The following FHIP1A variants were observed in gnomAD, a reference collection of about 807,000 sequenced individuals.
The protein encoded by FHIP1A is FHF complex subunit HOOK-interacting protein 1A.
Under a neutral mutation model 88.6 loss-of-function variants are expected in FHIP1A, and 61 were observed. The ratio of observed to expected loss-of-function variants is 0.69; its 90% CI spans 0.56 to 0.85. The LOEUF (loss-of-function observed/expected upper bound fraction) is 0.85, where lower values mean the gene tolerates loss of function less well. Among genes scored for constraint, FHIP1A ranks in the 40% least tolerant of loss-of-function variants. The pLI is 0.00. For synonymous variants in FHIP1A, 478 were observed against 496.0 expected (o/e 0.96, Z 0.48); for missense variants, 1,154 against 1,273.5 (o/e 0.91, Z 1.43).
intron 4 of FHIP1A, among the ~76,000 whole-genome samples, chr4:151,573,315 C>T (rs1172359040): frequency 6.6e-5 from 10 of 151,848 alleles, no homozygotes; most frequent in African/African-American, 1.9e-4. Flanking sequence ...CACATGTCTG[C>T]GTTTCTTAAA....
At chr4:151,457,981 A>G (rs751304647) in intron 2 of FHIP1A, among the ~76,000 whole-genome samples, 3 of 152,250 alleles carry the variant, frequency 2.0e-5, no homozygotes, top group Non-Finnish European at 2.9e-5. Flanking sequence ...TAATGGTAGT[A>G]GAGTAGTCAT....
At chr4:151,467,996 A>T (rs549588594) in intron 2 of FHIP1A, among the ~76,000 whole-genome samples, 1 of 151,932 alleles carries the variant, frequency 6.6e-6, no homozygotes, top group African/African-American at 2.4e-5. Context: ...TAAAAAAAAA[A>T]AAAAAAAGCC....
chr4:151,464,855 A>T (rs189755041), intron 2 of FHIP1A, among the ~76,000 whole-genome samples: 35 of 115,502 alleles, frequency 3.0e-4, no homozygotes, highest in Non-Finnish European at 5.5e-4. Context: ...TAGATCAGTG[A>T]TTGTCAAAGT....
intron 2 of FHIP1A, among the ~76,000 whole-genome samples, chr4:151,467,409 A>T (rs1033039745): frequency 3.3e-5 from 5 of 152,218 alleles, no homozygotes; most frequent in African/African-American, 1.2e-4. Context: ...TGTGGAAGAC[A>T]GTGTGGTGAT....
At chr4:151,550,425 G>A (rs990145989) in intron 3 of FHIP1A, among the ~76,000 whole-genome samples, 5 of 151,968 alleles carry the variant, frequency 3.3e-5, no homozygotes, top group African/African-American at 1.2e-4. Flanking sequence ...TAGTAGCCTC[G>A]CATGAAGGGT....
At position 151,629,691 on chromosome 4, in the gene FHIP1A, G is replaced by GT; in HGVS notation, c.979-8dup. The GT allele has an allele frequency of 6.5e-7, 1 of 1,550,198 alleles. No homozygotes were observed. Among genetic ancestry groups the GT allele is most frequent in the Non-Finnish European group, 8.7e-7 (1 of 1,146,144 alleles). On this transcript the variant is annotated splice_polypyrimidine_tract_variant and intron_variant, in intron 7 of 13. Transcript: ENST00000435205. ...GATGCTCACCTGTGCTCACTCCGTTGTTTGTCCTAGGTGACTGTGGAAGAG... is the reference window on the plus strand; with the variant it reads ...GATGCTCACCTGTGCTCACTCCGTTGTTTTGTCCTAGGTGACTGTGGAAGAG...
chr4:151,642,240 C>CA (rs1736615288), intron 9 of FHIP1A, among the ~76,000 whole-genome samples: 1 of 152,210 alleles, frequency 6.6e-6, no homozygotes. Context: ...TGGAACCTCC[C>CA]AGTTGAGACA....
intron 3 of FHIP1A, among the ~76,000 whole-genome samples, chr4:151,564,529 A>G (rs1196905803): frequency 6.6e-6 from 1 of 152,202 alleles, no homozygotes; most frequent in African/African-American, 2.4e-5. Flanking sequence ...TACCCTGCAA[A>G]TGTGGGATAG....
intron 8 of FHIP1A, among the ~76,000 whole-genome samples, chr4:151,634,045 A>G (rs905827767): frequency 2.3e-4 from 35 of 152,030 alleles, no homozygotes; most frequent in African/African-American, 6.5e-4. Context: ...ATGTCACCAA[A>G]AAACTGTTAG....
chr4:151,581,456 A>G (rs554652506), intron 5 of FHIP1A, among the ~76,000 whole-genome samples: 29 of 152,258 alleles, frequency 1.9e-4, no homozygotes, highest in African/African-American at 5.5e-4. Flanking sequence ...TTTAAATATG[A>G]CAAGAAGATT....
intron 3 of FHIP1A, among the ~76,000 whole-genome samples, chr4:151,518,865 A>G (rs911593516): frequency 2.0e-5 from 3 of 151,992 alleles, no homozygotes; most frequent in East Asian, 1.9e-4. Flanking sequence ...AAAATTGTCA[A>G]TCTGCAAAAC....
At chr4:151,474,989 C>T (rs139536912) in intron 2 of FHIP1A, among the ~76,000 whole-genome samples, 1 of 152,298 alleles carries the variant, frequency 6.6e-6, no homozygotes, top group Non-Finnish European at 1.5e-5. Context: ...ATTATATGAG[C>T]ATTTTCAGTG....
At chr4:151,660,246 A>C (rs1355892352) in intron 13 of FHIP1A, among the ~76,000 whole-genome samples, 3 of 152,248 alleles carry the variant, frequency 2.0e-5, no homozygotes, top group African/African-American at 7.2e-5. Context: ...TCTCCCAGCC[A>C]GCCCCTGGTC....
chr4:151,623,428 G>A (rs1280051083), intron 7 of FHIP1A, among the ~76,000 whole-genome samples: 1 of 151,954 alleles, frequency 6.6e-6, no homozygotes, highest in Non-Finnish European at 1.5e-5. Flanking sequence ...TTCTATAAGG[G>A]AGGTTGTACT....
chr4:151,650,615 T>C (rs768973739), intron 11 of FHIP1A, 23 bp downstream of exon 11: 10 of 1,527,636 alleles, frequency 6.5e-6, no homozygotes, highest in African/African-American at 1.4e-5. Flanking sequence ...AATTGCTTTG[T>C]GGTTTCTGCT....
rs930048005 is a variant in FHIP1A, at chr4:151,656,086, GA to G, written c.2552-142del. 5 of 565,432 alleles carry G rather than the reference GA, an allele frequency of 8.8e-6. No individual in the cohort carries two copies. Among genetic ancestry groups the G allele is most frequent in the Non-Finnish European group, 1.5e-5 (5 of 335,300 alleles). The allele number at this position is 565,432 out of a possible 1,614,324, so 35.0% of individuals were successfully genotyped here. A position where few individuals can be genotyped will look rare whatever the true frequency, so the allele number is the denominator to read the frequency against. ...TTTCCGTTTTGGTTTTGAGGCAGGAGAAAACGTGGCCATATTTGCTGTGTCT... is the reference window on the plus strand; with the variant it reads ...TTTCCGTTTTGGTTTTGAGGCAGGAGAAACGTGGCCATATTTGCTGTGTCT... On this transcript the variant is annotated intron_variant, in intron 11 of 13. Coordinates refer to ENST00000435205, the MANE Select transcript of FHIP1A (RefSeq NM_001109977.3). This position sits in a 1 kb window ranked among gnomAD's most constrained non-coding sequence, Gnocchi z 4.2.
chr4:151,637,639 G>T (rs967815387), intron 8 of FHIP1A, among the ~76,000 whole-genome samples: 1 of 152,174 alleles, frequency 6.6e-6, no homozygotes, highest in Non-Finnish European at 1.5e-5. Context: ...GAACAGAAAG[G>T]TTTCTTAAGG....
At chr4:151,449,800 T>A (rs894667767) in intron 1 of FHIP1A, among the ~76,000 whole-genome samples, 1 of 152,186 alleles carries the variant, frequency 6.6e-6, no homozygotes, top group African/African-American at 2.4e-5. Context: ...TGTGTTGGGA[T>A]GGTGTTAAAT....
intron 1 of FHIP1A, among the ~76,000 whole-genome samples, chr4:151,437,228 T>C (rs1728237204): frequency 6.6e-6 from 1 of 152,018 alleles, no homozygotes; most frequent in South Asian, 2.1e-4. Flanking sequence ...ACCGTGGTGA[T>C]CATGTTAAGG....
Sources: allele counts gnomAD v4.1 joint callset (sites outside exome capture counted in the v4.1 genomes callset), GRCh38; gene constraint gnomAD v4.1.1; non-coding constraint Gnocchi (gnomAD v3.1); transcripts MANE v1.5; gene names NCBI Gene and HGNC (gene_info 2026-07-23, HGNC 2026-07-21).